SLC30A2: variants seen among roughly 807,000 people sequenced by gnomAD.
The protein encoded by SLC30A2 is solute carrier family 30 member 2, also known as proton-coupled zinc antiporter SLC30A2.
In SLC30A2, 19 loss-of-function variants were observed where a neutral mutation model predicts 39.6. The ratio of observed to expected loss-of-function variants is 0.48; its 90% CI spans 0.34 to 0.70. The LOEUF (loss-of-function observed/expected upper bound fraction) is 0.70. Ranked by LOEUF, SLC30A2 falls within the 30% of genes least tolerant of loss-of-function variation. The probability of loss-of-function intolerance (pLI) is 0.01; values close to 1 mark genes in which losing one functional copy is unlikely to be tolerated. For synonymous variants in SLC30A2, 195 were observed against 194.8 expected (o/e 1.00, Z -0.01); for missense variants, 387 against 479.4 (o/e 0.81, Z 1.80).
chr1:26,044,405 G>C lies in SLC30A2; in HGVS notation c.311C>G (p.Ala104Gly). ...LAHSLAVMTD[A>G]AHLLTDFASM... ...GGCAAAGTCAGTGAGCAGGTGTGCT[G>C]CGTCAGTCATGACAGCCAAGCTGTG... is the stretch of plus-strand genomic sequence containing the variant. Residue 104 changes from alanine (A) to glycine (G), a missense_variant, in exon 3 of 8, where the codon GCA (alanine) becomes GGA (glycine). Coordinates refer to ENST00000374276, the MANE Select transcript of SLC30A2 (RefSeq NM_001004434.3). 6.2e-7 allele frequency: 1 copy of C among 1,613,922 alleles called. No homozygotes were observed. The highest frequency in any genetic ancestry group is 8.5e-7 in the Non-Finnish European group (1 of 1,179,972).
rs773717920 is a variant in SLC30A2 at position 26,041,732 on chromosome 1, A to G, written c.806T>C (p.Ile269Thr). 1.9e-6 allele frequency: 3 copies of G among 1,613,120 alleles called. No homozygotes were observed. The highest frequency in any genetic ancestry group is 1.3e-5 in the African/African-American group (1 of 74,906). The change falls in exon 6 of 8, where the codon ATC (isoleucine) becomes ACC (threonine). Residue 269 changes from isoleucine to threonine, a missense_variant. By Grantham distance (89) the Ile-to-Thr change is moderately conservative (BLOSUM62 -1). Coordinates refer to ENST00000374276, the MANE Select transcript of SLC30A2 (RefSeq NM_001004434.3). ...CAACACCAGGATCACATCTCTCAGG[A>G]TGGTCAAGGTTGTCCCCAGGACCAG... ...SILVLGTTLT[I>T]LRDVILVLME...
intron 3 of SLC30A2, 39 bp downstream of exon 3, chr1:26,044,259 C>T: frequency 6.2e-7 from 1 of 1,609,582 alleles, no homozygotes; most frequent in Non-Finnish European, 8.5e-7. Flanking sequence ...AACCCACCCT[C>T]TCTCTCAACC....
rs902454897 is a variant in SLC30A2 at position 26,045,237 on chromosome 1, G to A, written c.51-20C>T. 5.6e-6 allele frequency: 9 copies of A among 1,594,650 alleles called. No homozygotes were observed. Among genetic ancestry groups the A allele is most frequent in the African/African-American group, 5.4e-5 (4 of 74,534 alleles). The stretch of plus-strand genomic sequence containing the variant: ...TATGACCTGGCCAGAGGGGAAGAGA[G>A]GGAACGCTCAGCTCTGAGATGAGGT... On this transcript the variant is annotated intron_variant, in intron 1 of 7. Coordinates refer to ENST00000374276, the MANE Select transcript of SLC30A2 (RefSeq NM_001004434.3).
At chr1:26,043,041 G>T (rs1006520966) in intron 4 of SLC30A2, among the ~76,000 whole-genome samples, 4 of 152,214 alleles carry the variant, frequency 2.6e-5, no homozygotes, top group Non-Finnish European at 5.9e-5. Flanking sequence ...GACACCCATT[G>T]TCTCTAACTG....
In SLC30A2 at chr1:26,044,995, A is replaced by G. The variant is rs2050443485; in HGVS notation, c.271+2T>C. The G allele has an allele frequency of 6.2e-7, 1 of 1,613,836 alleles. No homozygotes were observed. The highest frequency in any genetic ancestry group is 8.5e-7 in the Non-Finnish European group (1 of 1,179,778). ...TCATTTAATTAGCCCAAAAGTGCTT[A>G]CCAACGACTTCTCCGATCATGAACA... On this transcript the variant is annotated splice_donor_variant, in intron 2 of 7. Transcript: ENST00000374276. LOFTEE classifies it high-confidence loss of function.
chr1:26,044,965 C>A (rs1309804601), intron 2 of SLC30A2, 32 bp downstream of exon 2: 11 of 1,580,196 alleles, frequency 7.0e-6, no homozygotes, highest in Non-Finnish European at 9.6e-6. Context: ...ATCCATGCAC[C>A]AACTTCATTT....
At chr1:26,043,728 T>A (rs1276631853) in intron 3 of SLC30A2, among the ~76,000 whole-genome samples, 177 bp from the exon 4 acceptor site, 1 of 151,712 alleles carries the variant, frequency 6.6e-6, no homozygotes, top group Non-Finnish European at 1.5e-5. Flanking sequence ...CCCTCATATA[T>A]CTAGGAATGT....
In SLC30A2 at chr1:26,039,044, G is replaced by T; in HGVS notation, c.*116C>A. On this transcript the variant is annotated 3_prime_UTR_variant, in exon 8 of 8. Transcript: ENST00000374276. The surrounding 1 kb of genome is among the most constrained non-coding windows in gnomAD (Gnocchi z 4.3). ...CCTGGAGTGGGGCAGAGGTCAGGAG[G>T]GGGACCTGGTTTACAACACAGCTGG... 1 of 1,491,876 alleles carries T rather than the reference G, an allele frequency of 6.7e-7. No individual in the cohort carries two copies. The highest frequency in any genetic ancestry group is 8.9e-7 in the Non-Finnish European group (1 of 1,118,192). The allele number at this position is 1,491,876 out of a possible 1,614,324, so 92.4% of individuals were successfully genotyped here.
Position 26,039,811 on chromosome 1 carries a change from C to T in SLC30A2, c.939G>A (p.Val313=). ...LHSLHIWALT[V]AQPVLSVHIA... ...TGTGGACAGACAGAACAGGCTGGGC[C>T]ACCGTCAGTGCCCAGATATGCAGGC... The change falls in exon 7 of 8, where the codon GTG becomes GTA. Residue 313 remains valine (V), a synonymous_variant. Coordinates refer to ENST00000374276, the MANE Select transcript of SLC30A2 (RefSeq NM_001004434.3). The surrounding 1 kb of genome is among the most constrained non-coding windows in gnomAD (Gnocchi z 4.3). 6.2e-7 allele frequency: 1 copy of T among 1,613,982 alleles called. No homozygotes were observed. Among genetic ancestry groups the T allele is most frequent in the Non-Finnish European group, 8.5e-7 (1 of 1,180,010 alleles).
chr1:26,044,902 T>C lies in SLC30A2; in HGVS notation c.271+95A>G. ...GTGTATATAAAGGCTTACTGTAGTG[T>C]GTGTTCAGTAATTGGGGCTTTTAGT... On this transcript the variant is annotated intron_variant, in intron 2 of 7. Transcript: ENST00000374276. The C allele has an allele frequency of 4.2e-6, 4 of 955,988 alleles. No individual in the cohort carries two copies. The South Asian group carries it at 5.5e-5, about 13-fold the overall frequency. The allele number at this position is 955,988 out of a possible 1,614,324, so 59.2% of individuals were successfully genotyped here. A position where few individuals can be genotyped will look rare whatever the true frequency, so the allele number is the denominator to read the frequency against.
intron 3 of SLC30A2, among the ~76,000 whole-genome samples, chr1:26,043,957 T>C (rs1229613065): frequency 5.3e-5 from 8 of 152,192 alleles, no homozygotes; most frequent in African/African-American, 1.9e-4. Flanking sequence ...CAGCCTTTGC[T>C]GGCCTTCCCC....
Position 26,039,043 on chromosome 1 carries a change from G to C in SLC30A2, c.*117C>G. 6.7e-7 allele frequency: 1 copy of C among 1,490,674 alleles called. No homozygotes were observed. The highest frequency in any genetic ancestry group is 8.9e-7 in the Non-Finnish European group (1 of 1,117,670). 92.3% of individuals were successfully genotyped at this position (1,490,674 alleles called of 1,614,324 possible). A position where few individuals can be genotyped will look rare whatever the true frequency, so the allele number is the denominator to read the frequency against. The stretch of plus-strand genomic sequence containing the variant: ...TCCTGGAGTGGGGCAGAGGTCAGGA[G>C]GGGGACCTGGTTTACAACACAGCTG... On this transcript the variant is annotated 3_prime_UTR_variant, in exon 8 of 8. Coordinates refer to ENST00000374276, the MANE Select transcript of SLC30A2 (RefSeq NM_001004434.3). The surrounding 1 kb of genome is among the most constrained non-coding windows in gnomAD (Gnocchi z 4.3).
intron 2 of SLC30A2, 129 bp from the exon 3 acceptor site, chr1:26,044,573 C>G: frequency 1.2e-6 from 1 of 853,456 alleles, no homozygotes; most frequent in South Asian, 1.8e-5. Flanking sequence ...ATGAGCTGTA[C>G]CACCGTGACA....
chr1:26,045,802 C>T (rs776524775), intron 1 of SLC30A2, 45 bp downstream of exon 1: 1 of 1,613,134 alleles, frequency 6.2e-7, no homozygotes, highest in Non-Finnish European at 8.5e-7. Context: ...GGAGGTGCGT[C>T]GGCTGCCGCC....
At position 26,038,486 on chromosome 1, in the gene SLC30A2, C is replaced by A. The variant is rs1405400566; in HGVS notation, c.*674G>T. ...GGAGGCTGTTAGTGCAGAACCCAAG[C>A]TGAAATCTCTCTACCCCCTGCCCAC... is the stretch of plus-strand genomic sequence containing the variant. On this transcript the variant is annotated 3_prime_UTR_variant, in exon 8 of 8. Coordinates refer to ENST00000374276, the MANE Select transcript of SLC30A2 (RefSeq NM_001004434.3). 2.6e-5 allele frequency: 4 copies of A among 152,258 alleles called. No homozygotes were observed. Among genetic ancestry groups the A allele is most frequent in the African/African-American group, 9.6e-5 (4 of 41,462 alleles). 9.4% of individuals were successfully genotyped at this position (152,258 alleles called of 1,614,324 possible). A position where few individuals can be genotyped will look rare whatever the true frequency, so the allele number is the denominator to read the frequency against.
At chr1:26,041,587 G>T in intron 6 of SLC30A2, 113 bp downstream of exon 6, 1 of 682,256 alleles carries the variant, frequency 1.5e-6, no homozygotes, top group South Asian at 1.8e-5. Context: ...CGGGGCTCCG[G>T]ATCCTGGCTC....
chr1:26,045,795 G>T, intron 1 of SLC30A2, 52 bp downstream of exon 1: 1 of 1,613,160 alleles, frequency 6.2e-7, no homozygotes, highest in East Asian at 2.2e-5. Flanking sequence ...CAAATGCGGA[G>T]GTGCGTCGGC....
chr1:26,041,722 ATC>A lies in SLC30A2; in HGVS notation c.814_815del (p.Asp272CysfsTer14), dbSNP rs2050399836. On this transcript the variant is annotated frameshift_variant, in exon 6 of 8. Transcript: ENST00000374276. LOFTEE classifies it high-confidence loss of function. ...TACCTTCCATCAACACCAGGATCAC[ATC>A]TCTCAGGATGGTCAAGGTTGTCCCC... The part of the protein sequence containing the change: ...VLGTTLTILR[D>X]VILVLMEGTP... 6.2e-7 allele frequency: 1 copy of A among 1,612,670 alleles called. No homozygotes were observed. The highest frequency in any genetic ancestry group is 8.5e-7 in the Non-Finnish European group (1 of 1,178,656).
chr1:26,040,909 T>C (rs1365071972), intron 6 of SLC30A2, among the ~76,000 whole-genome samples: 1 of 64,716 alleles, frequency 1.5e-5, no homozygotes, highest in Non-Finnish European at 3.4e-5. Flanking sequence ...CAGGGCAACA[T>C]AGTGAGACCC....
Sources: allele counts gnomAD v4.1 joint callset (sites outside exome capture counted in the v4.1 genomes callset), GRCh38; gene constraint gnomAD v4.1.1; non-coding constraint Gnocchi (gnomAD v3.1); transcripts MANE v1.5; gene names NCBI Gene and HGNC (gene_info 2026-07-23, HGNC 2026-07-21).